RNF220: variants seen among roughly 807,000 people sequenced by gnomAD.
RNF220 encodes E3 ubiquitin-protein ligase RNF220.
In RNF220, 7 loss-of-function variants were observed where a neutral mutation model predicts 67.1. The ratio of observed to expected loss-of-function variants is 0.10; its 90% CI spans 0.06 to 0.20. The LOEUF (loss-of-function observed/expected upper bound fraction) is 0.20, where lower values mean the gene tolerates loss of function less well. RNF220 is among the 10% of genes least tolerant of loss of function. The pLI, the probability that RNF220 is intolerant of heterozygous loss-of-function variation, is 1.00. For synonymous variants in RNF220, 270 were observed against 283.2 expected (o/e 0.95, Z 0.47); for missense variants, 565 against 740.3 (o/e 0.76, Z 2.75).
intron 2 of RNF220, among the ~76,000 whole-genome samples, chr1:44,420,379 C>T (rs1282187588): frequency 2.0e-5 from 3 of 152,232 alleles, no homozygotes. Context: ...TTACATCAAT[C>T]TTAGTGCAGC....
chr1:44,639,425 A>G (rs1005698660), intron 8 of RNF220, among the ~76,000 whole-genome samples: 1 of 152,234 alleles, frequency 6.6e-6, no homozygotes, highest in Non-Finnish European at 1.5e-5. Flanking sequence ...ATTGGTTTCA[A>G]ATAAGGTGGC....
At chr1:44,639,477 A>G (rs2148493176) in intron 8 of RNF220, among the ~76,000 whole-genome samples, 1 of 152,354 alleles carries the variant, frequency 6.6e-6, no homozygotes, top group South Asian at 2.1e-4. Flanking sequence ...GAAATTTCCC[A>G]GGAAGCTTCA....
At chr1:44,595,581 C>T (rs1666422376) in intron 2 of RNF220, among the ~76,000 whole-genome samples, 1 of 152,104 alleles carries the variant, frequency 6.6e-6, no homozygotes, top group African/African-American at 2.4e-5. Flanking sequence ...GCTCAGATCA[C>T]ATCCCCAGCC....
At chr1:44,521,928 C>A (rs1572758001) in intron 2 of RNF220, among the ~76,000 whole-genome samples, 5 of 152,136 alleles carry the variant, frequency 3.3e-5, no homozygotes, top group African/African-American at 1.2e-4. Flanking sequence ...TCAGAGAGAA[C>A]AAGCACCAAA....
chr1:44,490,463 C>T (rs1002510425), intron 2 of RNF220, among the ~76,000 whole-genome samples: 19 of 147,154 alleles, frequency 1.3e-4, no homozygotes, highest in African/African-American at 1.5e-4. Context: ...GCAGCAAGAG[C>T]GAAACTTCAT....
In RNF220 at chr1:44,645,402, C is replaced by T. The variant is rs1347670431; in HGVS notation, c.1367-8C>T. 9 of 1,613,932 alleles carry T rather than the reference C, an allele frequency of 5.6e-6. No individual in the cohort carries two copies. Among genetic ancestry groups the T allele is most frequent in the Non-Finnish European group, 7.6e-6 (9 of 1,179,990 alleles). ...GCCGGAGTGTGAGTTGCCCCTCTGT[C>T]CCAGCAGAGATGCCATCCACCAGCA... On this transcript the variant is annotated splice_region_variant and splice_polypyrimidine_tract_variant and intron_variant, in intron 11 of 14. Transcript: ENST00000361799. This position sits in a 1 kb window ranked among gnomAD's most constrained non-coding sequence, Gnocchi z 5.0.
At chr1:44,581,166 C>G (rs567757242) in intron 2 of RNF220, among the ~76,000 whole-genome samples, 14 of 152,192 alleles carry the variant, frequency 9.2e-5, no homozygotes, top group Non-Finnish European at 1.5e-4. Context: ...TCTCATCATA[C>G]GGACTCTGCA....
At chr1:44,411,713 A>ATT (rs879748540) in intron 1 of RNF220, among the ~76,000 whole-genome samples, 2 of 152,038 alleles carry the variant, frequency 1.3e-5, no homozygotes, top group Non-Finnish European at 2.9e-5. Flanking sequence ...GTTTTATGAT[A>ATT]TTTTTTTCTT....
intron 2 of RNF220, among the ~76,000 whole-genome samples, chr1:44,563,484 G>A (rs1663749977): frequency 6.6e-6 from 1 of 152,224 alleles, no homozygotes; most frequent in African/African-American, 2.4e-5. Flanking sequence ...AACGGGAAGA[G>A]GGAGAGCTGC....
At chr1:44,490,429 T>C (rs112166873) in intron 2 of RNF220, among the ~76,000 whole-genome samples, 3,426 of 151,712 alleles carry the variant, frequency 0.023, 154 homozygotes, top group African/African-American at 0.079. Context: ...TGAGCTGAGA[T>C]TGGGCCATTG....
upstream of RNF220, chr1:44,405,216 CGT>C (rs757675915): frequency 4.1e-4 from 143 of 344,900 alleles, no homozygotes; most frequent in Middle Eastern, 1.6e-3. Flanking sequence ...TGTGTGCGCG[CGT>C]GTGTGTGTCT....
intron 2 of RNF220, among the ~76,000 whole-genome samples, chr1:44,611,038 G>A (rs1420118616): frequency 1.3e-5 from 2 of 152,186 alleles, no homozygotes; most frequent in Non-Finnish European, 2.9e-5. Flanking sequence ...ACCTGGGCAG[G>A]CCATGTCGTT....
chr1:44,512,615 T>C (rs761086262), intron 2 of RNF220, among the ~76,000 whole-genome samples: 3 of 152,164 alleles, frequency 2.0e-5, no homozygotes, highest in African/African-American at 4.8e-5. Context: ...CTTGAACCTG[T>C]ATGGGGTGAG....
intron 2 of RNF220, among the ~76,000 whole-genome samples, chr1:44,531,237 T>C (rs2148191050): frequency 6.6e-6 from 1 of 152,346 alleles, no homozygotes; most frequent in African/African-American, 2.4e-5. Context: ...ACTAAGTGCT[T>C]CACAATCCAG....
Position 44,645,331 on chromosome 1 carries a change from T to C in RNF220, c.1366+55T>C. ...GGGGAGAGGGGGTATCCCTAGATGG[T>C]GGTGACTGACTCAAGCCCAACCCCT... is the stretch of plus-strand genomic sequence containing the variant. On this transcript the variant is annotated intron_variant, in intron 11 of 14. Transcript: ENST00000361799. The surrounding 1 kb of genome is among the most constrained non-coding windows in gnomAD (Gnocchi z 5.0). 1.2e-6 allele frequency: 2 copies of C among 1,612,910 alleles called. No homozygotes were observed. The highest frequency in any genetic ancestry group is 1.7e-6 in the Non-Finnish European group (2 of 1,179,056).
intron 1 of RNF220, among the ~76,000 whole-genome samples, chr1:44,406,099 G>A (rs1056785779): frequency 6.6e-6 from 1 of 152,208 alleles, no homozygotes. Context: ...CGAGCCGAAT[G>A]AGAAACTACC....
At chr1:44,410,975 C>T (rs1380816421) in intron 1 of RNF220, among the ~76,000 whole-genome samples, 2 of 152,166 alleles carry the variant, frequency 1.3e-5, no homozygotes, top group East Asian at 1.9e-4. Flanking sequence ...GAAGTCTCTC[C>T]GAACTCCAAT....
At chr1:44,550,750 GC>G (rs1404861656) in intron 2 of RNF220, among the ~76,000 whole-genome samples, 1 of 152,172 alleles carries the variant, frequency 6.6e-6, no homozygotes, top group East Asian at 1.9e-4. Context: ...AAGGTTTCCA[GC>G]CCGTTTAGTT....
chr1:44,541,700 T>A (rs988063488), intron 2 of RNF220, among the ~76,000 whole-genome samples: 4 of 152,214 alleles, frequency 2.6e-5, no homozygotes, highest in African/African-American at 9.7e-5. Flanking sequence ...AAGGTGCTGC[T>A]TCTCAAGGCA....
Sources: gnomAD v4.1 joint callset for allele counts (sites outside exome capture counted in the v4.1 genomes callset) on GRCh38, gnomAD v4.1.1 for gene constraint, Gnocchi (gnomAD v3.1) non-coding constraint, MANE v1.5 for transcripts, NCBI Gene and HGNC (gene_info 2026-07-23, HGNC 2026-07-21) for gene names.